Variants in ZNF536 observed in about 807,000 individuals in gnomAD.
ZNF536 encodes zinc finger protein 536.
A neutral mutation model predicts 84.5 loss-of-function variants in ZNF536; 13 were observed. The ratio of observed to expected loss-of-function variants is 0.15; its 90% CI spans 0.10 to 0.24. ZNF536 has a LOEUF of 0.24. Among genes scored for constraint, ZNF536 ranks in the 10% least tolerant of loss-of-function variants. The pLI, the probability that ZNF536 is intolerant of heterozygous loss-of-function variation, is 1.00. For synonymous variants in ZNF536, 811 were observed against 742.5 expected, an observed-to-expected ratio of 1.09 and a Z score of -1.50; for missense variants, 1,536 against 1,747.5, an observed-to-expected ratio of 0.88 and a Z score of 2.16.
chr19:30,247,393 A>G (rs2024339635), intron 1 of ZNF536, among the ~76,000 whole-genome samples: 1 of 152,194 alleles, frequency 6.6e-6, no homozygotes, highest in Non-Finnish European at 1.5e-5. Flanking sequence ...GATGCTTGTC[A>G]GGCATGCCGG....
chr19:30,500,068 A>AT (rs1231011848), intron 2 of ZNF536, among the ~76,000 whole-genome samples: 3 of 152,178 alleles, frequency 2.0e-5, no homozygotes, highest in Non-Finnish European at 4.4e-5. Context: ...AAAGAGGGTA[A>AT]TTTTTTCTAA....
intron 1 of ZNF536, among the ~76,000 whole-genome samples, chr19:30,237,862 T>C (rs1045416846): frequency 2.0e-5 from 3 of 152,110 alleles, no homozygotes; most frequent in African/African-American, 7.2e-5. Flanking sequence ...ATCAAGTTTG[T>C]AAATGAGGAA....
intron 1 of ZNF536, among the ~76,000 whole-genome samples, chr19:30,675,145 T>G (rs572165031): frequency 1.3e-5 from 2 of 152,336 alleles, no homozygotes; most frequent in South Asian, 4.1e-4. Context: ...GATCTTGGAA[T>G]CCGTTTGCCG....
chr19:30,463,489 G>A (rs902770421), intron 2 of ZNF536, among the ~76,000 whole-genome samples: 17 of 152,222 alleles, frequency 1.1e-4, no homozygotes, highest in Admixed American at 1.3e-4. Flanking sequence ...CCTCTGTTCT[G>A]GAGCTCAGCC....
chr19:30,476,635 A>G (rs1197118927), intron 2 of ZNF536, among the ~76,000 whole-genome samples: 1 of 152,056 alleles, frequency 6.6e-6, no homozygotes, highest in East Asian at 1.9e-4. Flanking sequence ...AGGGAGATGG[A>G]CTCCCTCTGT....
intron 1 of ZNF536, among the ~76,000 whole-genome samples, chr19:30,606,353 A>C (rs551529225): frequency 1.3e-5 from 2 of 152,048 alleles, no homozygotes; most frequent in East Asian, 3.9e-4. Flanking sequence ...CACACCTCTT[A>C]AGGCTTTGAA....
At chr19:30,343,654 T>A (rs760232311) in intron 2 of ZNF536, among the ~76,000 whole-genome samples, 60 of 152,226 alleles carry the variant, frequency 3.9e-4, no homozygotes, top group African/African-American at 1.3e-3. Context: ...ATTTTCATCA[T>A]ACAGAAGTCC....
intron 1 of ZNF536, among the ~76,000 whole-genome samples, chr19:30,411,568 T>A (rs529399967): frequency 6.6e-6 from 1 of 152,306 alleles, no homozygotes; most frequent in Non-Finnish European, 1.5e-5. Context: ...TCTCAATATG[T>A]TTACTGATCA....
downstream of ZNF536, among the ~76,000 whole-genome samples, chr19:30,559,209 C>A (rs542370395): frequency 6.6e-6 from 1 of 152,172 alleles, no homozygotes; most frequent in Admixed American, 6.5e-5. Context: ...TCAGTGCCCA[C>A]GACTGTTGCC....
chr19:30,352,989 A>C (rs929714951), intron 3 of ZNF536, among the ~76,000 whole-genome samples: 1 of 152,250 alleles, frequency 6.6e-6, no homozygotes, highest in Non-Finnish European at 1.5e-5. Flanking sequence ...ATTATTCTGC[A>C]CCATGATTCA....
At chr19:30,694,642 A>AT (rs940389049) in intron 1 of ZNF536, among the ~76,000 whole-genome samples, 4 of 152,050 alleles carry the variant, frequency 2.6e-5, no homozygotes, top group Non-Finnish European at 5.9e-5. Context: ...AATGTGAAAT[A>AT]TTTTTTTAAA....
chr19:30,316,625 C>T (rs527531629), intron 2 of ZNF536, among the ~76,000 whole-genome samples: 6 of 152,116 alleles, frequency 3.9e-5, no homozygotes, highest in East Asian at 1.9e-4. Flanking sequence ...GCTACAAAGA[C>T]GAGGTACCAG....
rs2148236493 is a variant in ZNF536, at chr19:30,445,719, G to A, written c.2157G>A (p.Ser719=). The change falls in exon 2 of 5, where the codon TCG becomes TCA. Residue 719 remains serine (S), a synonymous_variant. Transcript: ENST00000355537. This position sits in a 1 kb window ranked among gnomAD's most constrained non-coding sequence, Gnocchi z 4.5. ...AGGAGGACAGCCCGCACCCCTCCTCGCCATCCTCCTCAGGTAGGTTAGCTG... is the reference window on the plus strand; with the variant it reads ...AGGAGGACAGCCCGCACCCCTCCTCACCATCCTCCTCAGGTAGGTTAGCTG... ...SAQEDSPHPS[S]PSSSDIGEEA... The A allele has an allele frequency of 6.4e-7, 1 of 1,562,852 alleles. No homozygotes were observed. The highest frequency in any genetic ancestry group is 8.7e-7 in the Non-Finnish European group (1 of 1,153,472).
At chr19:30,613,463 T>A (rs2048172866) in intron 1 of ZNF536, among the ~76,000 whole-genome samples, 1 of 152,238 alleles carries the variant, frequency 6.6e-6, no homozygotes, top group Non-Finnish European at 1.5e-5. Context: ...CTATTGGTTA[T>A]TCATTTTGAA....
intron 1 of ZNF536, among the ~76,000 whole-genome samples, chr19:30,591,543 G>C (rs983700342): frequency 6.6e-6 from 1 of 152,236 alleles, no homozygotes; most frequent in Middle Eastern, 3.4e-3. Context: ...TTGCCCCCAC[G>C]ATTCAATTAT....
At chr19:30,297,142 G>A (rs192882763) in intron 2 of ZNF536, among the ~76,000 whole-genome samples, 3 of 152,126 alleles carry the variant, frequency 2.0e-5, no homozygotes, top group Non-Finnish European at 2.9e-5. Context: ...AGCTCAGTCC[G>A]ACTGCAGCCC....
At chr19:30,535,398 G>T (rs1452641805) in intron 3 of ZNF536, among the ~76,000 whole-genome samples, 1 of 152,144 alleles carries the variant, frequency 6.6e-6, no homozygotes, top group Non-Finnish European at 1.5e-5. Context: ...GTGCAGAAGG[G>T]AATGAAGCCA....
At chr19:30,285,825 C>T (rs1441940424) in intron 2 of ZNF536, among the ~76,000 whole-genome samples, 4 of 152,242 alleles carry the variant, frequency 2.6e-5, no homozygotes, top group Non-Finnish European at 5.9e-5. Context: ...CCTCCACCAA[C>T]ACTTCCTCCA....
At chr19:30,464,905 G>T (rs1188490749) in intron 2 of ZNF536, among the ~76,000 whole-genome samples, 1 of 152,048 alleles carries the variant, frequency 6.6e-6, no homozygotes, top group Admixed American at 6.6e-5. Flanking sequence ...GGCTCTTCGG[G>T]GAATTTGGAT....
Sources: allele counts gnomAD v4.1 joint callset (sites outside exome capture counted in the v4.1 genomes callset), GRCh38; gene constraint gnomAD v4.1.1; non-coding constraint Gnocchi (gnomAD v3.1); transcripts MANE v1.5; gene names NCBI Gene and HGNC (gene_info 2026-07-23, HGNC 2026-07-21).